The following PCDHA2 variants were observed in gnomAD, a reference collection of about 807,000 sequenced individuals.
The protein encoded by PCDHA2 is protocadherin alpha-2.
A neutral mutation model predicts 66.0 loss-of-function variants in PCDHA2; 58 were observed. The observed-to-expected ratio is 0.88, with a 90% CI of 0.71 to 1.09. The LOEUF (loss-of-function observed/expected upper bound fraction) is 1.09. Ranked by LOEUF, PCDHA2 falls within the 50% of genes least tolerant of loss-of-function variation. PCDHA2 has a pLI of 0.00. For missense variants in PCDHA2, 1,267 were observed against 1,242.3 expected, an observed-to-expected ratio of 1.02 and a Z score of -0.30; for synonymous variants, 634 against 554.0, an observed-to-expected ratio of 1.14 and a Z score of -2.03.
intron 1 of PCDHA2, chr5:140,870,971 T>TG (rs782370379): frequency 3.7e-6 from 6 of 1,613,594 alleles, no homozygotes; most frequent in Non-Finnish European, 5.1e-6. Context: ...CCGTTCCGCG[T>TG]GGGGCTGTAC....
intron 1 of PCDHA2, chr5:140,835,500 A>C: frequency 6.2e-7 from 1 of 1,613,942 alleles, no homozygotes; most frequent in Non-Finnish European, 8.5e-7. Flanking sequence ...CACATTGATT[A>C]GCGTGTTTGA....
intron 1 of PCDHA2, chr5:140,859,527 A>T (rs1435954408): frequency 5.2e-6 from 1 of 191,864 alleles, no homozygotes; most frequent in African/African-American, 2.4e-5. Flanking sequence ...TTTTAAAAAA[A>T]ATTTATTAAT....
chr5:140,821,911 C>T lies in PCDHA2; in HGVS notation c.2388+24559C>T, dbSNP rs2150111872. ...AGCCAAACACGGAACCTTCGTTGGC[C>T]GCATCGCGCAGGACCTAGGGCTGGA... On this transcript the variant is annotated intron_variant, in intron 1 of 3. Transcript: ENST00000526136. 1.1e-5 allele frequency: 18 copies of T among 1,614,234 alleles called. No individual in the cohort carries two copies. In the East Asian group the frequency reaches 3.3e-4, roughly 30 times the overall value.
intron 1 of PCDHA2, chr5:140,850,972 T>C (rs2150504573): frequency 6.8e-7 from 1 of 1,465,332 alleles, no homozygotes; most frequent in African/African-American, 1.4e-5. Flanking sequence ...GCCGTTCAAA[T>C]AGTTTTATTC....
Position 140,803,101 on chromosome 5 carries a change from G to A in PCDHA2, c.2388+5749G>A, listed in dbSNP as rs1763115114. 6 of 1,613,840 alleles carry A rather than the reference G, an allele frequency of 3.7e-6. No individual in the cohort carries two copies. In the East Asian group the frequency reaches 1.3e-4, roughly 36 times the overall value. On this transcript the variant is annotated intron_variant, in intron 1 of 3. Transcript: ENST00000526136. ...TACACGGGAGAGATCAGCACGACCC[G>A]TGCCCTGGACGAGGTGGACGCCCCG...
chr5:140,821,709 G>A, intron 1 of PCDHA2: 1 of 1,452,026 alleles, frequency 6.9e-7, no homozygotes, highest in African/African-American at 1.4e-5. Context: ...AGTTAATTGG[G>A]AATTGAATTT....
chr5:140,947,146 A>G (rs1253300651), intron 1 of PCDHA2, among the ~76,000 whole-genome samples: 2 of 151,546 alleles, frequency 1.3e-5, no homozygotes, highest in Non-Finnish European at 1.5e-5. Context: ...ATGTATAGTT[A>G]CTTCCACGGG....
chr5:140,971,182 G>A (rs1158073557), intron 1 of PCDHA2, among the ~76,000 whole-genome samples: 7 of 152,110 alleles, frequency 4.6e-5, no homozygotes, highest in Admixed American at 1.3e-4. Flanking sequence ...GCTGTAAGCC[G>A]GAAGCTCAGA....
At chr5:140,844,047 C>T (rs2150368498) in intron 1 of PCDHA2, among the ~76,000 whole-genome samples, 3 of 149,604 alleles carry the variant, frequency 2.0e-5, no homozygotes, top group East Asian at 1.9e-4. Context: ...TGAAAGTATT[C>T]CCCCAAAGCG....
rs782486996 is a variant in PCDHA2, at chr5:140,797,167, G to A, written c.2203G>A (p.Gly735Arg). The A allele has an allele frequency of 3.1e-6, 5 of 1,614,080 alleles. No individual in the cohort carries two copies. The South Asian group carries it at 3.3e-5, about 11-fold the overall frequency. The change falls in exon 1 of 4, where the codon GGA (glycine) becomes AGA (arginine). Residue 735 changes from glycine (G) to arginine (R), a missense_variant. By Grantham distance (125) the Gly-to-Arg change is moderately radical. Transcript: ENST00000526136. ...ACCCACCGAGGGTGCGCGCGCGCCAGGAAAGCCCACGCTGGTGTGCTCCAG... is the reference window on the plus strand; with the variant it reads ...ACCCACCGAGGGTGCGCGCGCGCCAAGAAAGCCCACGCTGGTGTGCTCCAG... Reference protein sequence around the residue: ...VPPTEGARAPGKPTLVCSSAV... With the variant: ...VPPTEGARAPRKPTLVCSSAV...
At chr5:140,816,690 C>T (rs1338266631) in intron 1 of PCDHA2, 2 of 152,192 alleles carry the variant, frequency 1.3e-5, no homozygotes, top group Non-Finnish European at 2.9e-5. Flanking sequence ...AAGATCTTTA[C>T]TAATCAGGCT....
At chr5:140,874,111 G>A (rs977519429) in intron 1 of PCDHA2, among the ~76,000 whole-genome samples, 2 of 152,174 alleles carry the variant, frequency 1.3e-5, no homozygotes, top group African/African-American at 2.4e-5. Flanking sequence ...ATTACTTAAC[G>A]TTTTATAGTT....
At chr5:140,823,932 G>C (rs2150130492) in intron 1 of PCDHA2, 1 of 1,613,980 alleles carries the variant, frequency 6.2e-7, no homozygotes. Flanking sequence ...TGTACACCGC[G>C]CTGCGGTGCT....
At position 140,850,419 on chromosome 5, in the gene PCDHA2, G is replaced by C. The variant is rs1465099022; in HGVS notation, c.2388+53067G>C. On this transcript the variant is annotated intron_variant, in intron 1 of 3. Transcript: ENST00000526136. ...AACGCGTGCCCTGGACGAAACGGAC[G>C]CACCGCGCCAGCGCCTACTGGTGCT... is the stretch of plus-strand genomic sequence containing the variant. The C allele has an allele frequency of 1.9e-6, 3 of 1,597,838 alleles. No homozygotes were observed. The South Asian group carries it at 3.3e-5, about 18-fold the overall frequency.
intron 1 of PCDHA2, chr5:140,853,156 G>A (rs2150528996): frequency 1.1e-6 from 1 of 904,258 alleles, no homozygotes; most frequent in South Asian, 5.0e-5. Context: ...TGGGATTACA[G>A]GCGTGAGCCA....
At chr5:140,803,155 A>T (rs782366845) in intron 1 of PCDHA2, 1 of 1,613,866 alleles carries the variant, frequency 6.2e-7, no homozygotes, top group South Asian at 1.1e-5. Context: ...CTGGTGAAGG[A>T]CCACGGTGAA....
rs2150166154 is a variant in PCDHA2, at chr5:140,829,340, A to G, written c.2388+31988A>G. On this transcript the variant is annotated intron_variant, in intron 1 of 3. Coordinates refer to ENST00000526136, the MANE Select transcript of PCDHA2 (RefSeq NM_018905.3). ...GCTGGACAGTGCCCTGGACCGCGAG[A>G]GCGTGTCGGCCTATGAGTTGGTGGT... is the stretch of plus-strand genomic sequence containing the variant. 2.5e-6 allele frequency: 4 copies of G among 1,614,216 alleles called. No homozygotes were observed. In the South Asian group the frequency reaches 4.4e-5, roughly 18 times the overall value.
At chr5:140,925,994 G>C (rs1041576118) in intron 1 of PCDHA2, among the ~76,000 whole-genome samples, 1 of 152,138 alleles carries the variant, frequency 6.6e-6, no homozygotes, top group Non-Finnish European at 1.5e-5. Context: ...CGCTGGCTCC[G>C]CTGCCTCGAA....
At chr5:140,925,092 AGGAAGGAAGGAAGGAG>A (rs1190692996) in intron 1 of PCDHA2, among the ~76,000 whole-genome samples, 1 of 151,410 alleles carries the variant, frequency 6.6e-6, no homozygotes, top group Non-Finnish European at 1.5e-5. Flanking sequence ...AAAGGAAGGA[AGGAAGGAAGGAAGGAG>A]GGAAGGAAGG....
Sources: allele counts gnomAD v4.1 joint callset (sites outside exome capture counted in the v4.1 genomes callset), GRCh38; gene constraint gnomAD v4.1.1; transcripts MANE v1.5; gene names NCBI Gene and HGNC (gene_info 2026-07-23, HGNC 2026-07-21).